GALNTL6: variants seen among roughly 807,000 people sequenced by gnomAD.
GALNTL6 encodes polypeptide N-acetylgalactosaminyltransferase-like 6.
Under a neutral mutation model 73.7 loss-of-function variants are expected in GALNTL6, and 46 were observed. The ratio of observed to expected loss-of-function variants is 0.62; its 90% CI spans 0.49 to 0.80. The LOEUF (loss-of-function observed/expected upper bound fraction) is 0.80, where lower values mean the gene tolerates loss of function less well. Ranked by LOEUF, GALNTL6 falls within the 30% of genes least tolerant of loss-of-function variation. GALNTL6 has a pLI of 0.00. For synonymous variants in GALNTL6, 259 were observed against 263.7 expected (o/e 0.98, Z 0.17); for missense variants, 604 against 755.0 (o/e 0.80, Z 2.34).
intron 2 of GALNTL6, among the ~76,000 whole-genome samples, chr4:171,860,023 C>T (rs578201927): frequency 1.3e-5 from 2 of 152,238 alleles, no homozygotes; most frequent in South Asian, 2.1e-4. Context: ...TGAAGACAGA[C>T]CTTTCTTTGG....
At position 172,809,473 on chromosome 4, in the gene GALNTL6, G is replaced by A. The variant is rs1741165018; in HGVS notation, c.666G>A (p.Met222Ile). The part of the protein sequence containing the change: ...LIRTRLLGAS[M>I]ARGEVLTFLD... ...GGACCCGTCTCCTGGGGGCATCTAT[G>A]GCCAGAGGAGAAGTCCTGACATTCC... The change falls in exon 6 of 13, where the codon ATG becomes ATA. Residue 222 changes from methionine (M) to isoleucine (I), a missense_variant. Coordinates refer to ENST00000506823, the MANE Select transcript of GALNTL6 (RefSeq NM_001034845.3). This position sits in a 1 kb window ranked among gnomAD's most constrained non-coding sequence, Gnocchi z 4.4. 1 of 1,613,870 alleles carries A rather than the reference G, an allele frequency of 6.2e-7. No homozygotes were observed. Among genetic ancestry groups the A allele is most frequent in the Non-Finnish European group, 8.5e-7 (1 of 1,179,860 alleles).
At chr4:172,049,641 A>G (rs1034251559) in intron 2 of GALNTL6, among the ~76,000 whole-genome samples, 2 of 152,196 alleles carry the variant, frequency 1.3e-5, no homozygotes, top group Non-Finnish European at 2.9e-5. Context: ...TCTCAAATGT[A>G]GAAAATGTAC....
rs1389675127 is a variant in GALNTL6, at chr4:172,050,980, G to T, written c.139-178676G>T. On this transcript the variant is annotated intron_variant, in intron 2 of 12. Coordinates refer to ENST00000506823, the MANE Select transcript of GALNTL6 (RefSeq NM_001034845.3). ...TGTATAATGAATTTATTCTTGCTGG[G>T]GTATTCTTGGAATTTGTAACAAGGC... is the stretch of plus-strand genomic sequence containing the variant. 2.6e-5 allele frequency among the ~76,000 whole-genome samples: 4 copies of T among 152,116 alleles called. No homozygotes were observed. The East Asian group carries it at 7.7e-4, about 29-fold the overall frequency.
At chr4:172,046,532 G>A (rs1482448226) in intron 2 of GALNTL6, among the ~76,000 whole-genome samples, 1 of 151,936 alleles carries the variant, frequency 6.6e-6, no homozygotes, top group East Asian at 1.9e-4. Flanking sequence ...ACTGACCCTT[G>A]TTATCTTTTG....
chr4:172,643,259 A>G (rs556109610), intron 5 of GALNTL6, among the ~76,000 whole-genome samples: 33 of 152,086 alleles, frequency 2.2e-4, no homozygotes, highest in African/African-American at 7.7e-4. Context: ...AAATGATCAC[A>G]TAAATCAATA....
chr4:172,497,460 A>T (rs1351660463), intron 5 of GALNTL6, among the ~76,000 whole-genome samples: 1 of 152,230 alleles, frequency 6.6e-6, no homozygotes, highest in Non-Finnish European at 1.5e-5. Context: ...TGAATGTGAA[A>T]AACAACAAAG....
intron 4 of GALNTL6, among the ~76,000 whole-genome samples, chr4:172,330,870 G>C (rs1741100827): frequency 6.6e-6 from 1 of 152,036 alleles, no homozygotes; most frequent in Non-Finnish European, 1.5e-5. Context: ...TGTTCAGACT[G>C]TTTCTTTTTT....
chr4:171,828,434 G>A (rs1268922306), intron 2 of GALNTL6, among the ~76,000 whole-genome samples: 3 of 152,174 alleles, frequency 2.0e-5, no homozygotes, highest in Admixed American at 6.5e-5. Context: ...CTCCCAAGAA[G>A]CAGAGAAGAG....
At chr4:172,452,217 G>T (rs923039882) in intron 5 of GALNTL6, among the ~76,000 whole-genome samples, 1 of 152,020 alleles carries the variant, frequency 6.6e-6, no homozygotes, top group Admixed American at 6.5e-5. Flanking sequence ...ATGGGATGGA[G>T]TGTTGAAAAG....
chr4:172,570,538 C>A (rs987042739), intron 5 of GALNTL6, among the ~76,000 whole-genome samples: 19 of 152,026 alleles, frequency 1.2e-4, no homozygotes, highest in African/African-American at 4.6e-4. Flanking sequence ...AACCAGACAT[C>A]CCAACACTTT....
chr4:171,907,169 A>G (rs1578960304), intron 2 of GALNTL6, among the ~76,000 whole-genome samples: 1 of 152,202 alleles, frequency 6.6e-6, no homozygotes, highest in South Asian at 2.1e-4. Context: ...AGAAGGAAAT[A>G]AAGGGTATTC....
intron 2 of GALNTL6, among the ~76,000 whole-genome samples, chr4:172,166,198 C>G (rs1358572827): frequency 6.6e-6 from 1 of 152,144 alleles, no homozygotes; most frequent in Non-Finnish European, 1.5e-5. Flanking sequence ...GAGGCTCACG[C>G]CTGTAATCCC....
chr4:172,177,261 A>G (rs1735029601), intron 2 of GALNTL6, among the ~76,000 whole-genome samples: 1 of 152,192 alleles, frequency 6.6e-6, no homozygotes. Context: ...CTTTGAAATG[A>G]ACATTTAATA....
chr4:172,562,738 T>A (rs1302797169), intron 5 of GALNTL6, among the ~76,000 whole-genome samples: 1 of 152,238 alleles, frequency 6.6e-6, no homozygotes, highest in Non-Finnish European at 1.5e-5. Context: ...TGTCTCAGTG[T>A]GATCTTCATT....
intron 11 of GALNTL6, among the ~76,000 whole-genome samples, chr4:173,012,899 AGGCTGAGGCGGGT>A (rs1388655089): frequency 6.6e-6 from 1 of 152,144 alleles, no homozygotes; most frequent in Admixed American, 6.6e-5. Context: ...GCACTTTGGG[AGGCTGAGGCGGGT>A]GGCTCACTTG....
At chr4:172,898,751 G>C (rs1746469066) in intron 8 of GALNTL6, among the ~76,000 whole-genome samples, 1 of 152,190 alleles carries the variant, frequency 6.6e-6, no homozygotes, top group African/African-American at 2.4e-5. Flanking sequence ...ATTCAAATAA[G>C]GGAGGAGAAC....
chr4:171,861,104 C>A (rs2110878702), intron 2 of GALNTL6, among the ~76,000 whole-genome samples: 1 of 152,272 alleles, frequency 6.6e-6, no homozygotes, highest in East Asian at 1.9e-4. Flanking sequence ...CCCATTTCTG[C>A]AAATTAAAAC....
At chr4:172,380,344 C>T (rs1360889862) in intron 5 of GALNTL6, 2 of 711,654 alleles carry the variant, frequency 2.8e-6, no homozygotes, top group East Asian at 2.9e-5. Context: ...AAGTCCCTCC[C>T]TCACAGTGGG....
intron 2 of GALNTL6, among the ~76,000 whole-genome samples, chr4:172,134,260 C>T (rs1733576820): frequency 6.6e-6 from 1 of 152,030 alleles, no homozygotes; most frequent in African/African-American, 2.4e-5. Context: ...TGGCGGGCGC[C>T]TGTAGTCCCA....
Sources: allele counts gnomAD v4.1 joint callset (sites outside exome capture counted in the v4.1 genomes callset), GRCh38; gene constraint gnomAD v4.1.1; non-coding constraint Gnocchi (gnomAD v3.1); transcripts MANE v1.5; gene names NCBI Gene and HGNC (gene_info 2026-07-23, HGNC 2026-07-21).